SWAP70: variants seen among roughly 807,000 people sequenced by gnomAD.
The protein encoded by SWAP70 is switch-associated protein 70.
A neutral mutation model predicts 80.2 loss-of-function variants in SWAP70; 34 were observed. The observed-to-expected ratio is 0.42, with a 90% CI of 0.32 to 0.56. SWAP70 has a LOEUF of 0.56. Among genes scored for constraint, SWAP70 ranks in the 20% least tolerant of loss-of-function variants. The pLI is 0.09. For missense variants in SWAP70, 578 were observed against 690.7 expected (o/e 0.84, Z 1.83); for synonymous variants, 239 against 238.5 (o/e 1.00, Z -0.02).
At chr11:9,678,266 T>C (rs2134429767) in intron 1 of SWAP70, among the ~76,000 whole-genome samples, 1 of 152,294 alleles carries the variant, frequency 6.6e-6, no homozygotes, top group Non-Finnish European at 1.5e-5. Flanking sequence ...AGTGCTGGGA[T>C]TACAGGCATG....
intron 1 of SWAP70, among the ~76,000 whole-genome samples, chr11:9,677,121 G>A (rs1439930561): frequency 6.6e-6 from 1 of 151,538 alleles, no homozygotes; most frequent in Non-Finnish European, 1.5e-5. Flanking sequence ...TTATTAATGT[G>A]GCACCTGAAA....
intron 1 of SWAP70, among the ~76,000 whole-genome samples, chr11:9,672,227 A>ATATATATATATATATATG (rs1590008620): frequency 5.1e-5 from 7 of 136,398 alleles, no homozygotes; most frequent in Non-Finnish European, 6.2e-5. Context: ...ATATATATAT[A>ATATATATATATATATATG]TGATTGTAAA....
At chr11:9,730,348 A>T (rs1851281713) in intron 6 of SWAP70, among the ~76,000 whole-genome samples, 1 of 145,310 alleles carries the variant, frequency 6.9e-6, no homozygotes, top group African/African-American at 2.5e-5. Flanking sequence ...AAAAAAAAAG[A>T]ACATGTATTT....
chr11:9,712,711 T>C (rs1851013620), intron 2 of SWAP70, among the ~76,000 whole-genome samples: 1 of 150,998 alleles, frequency 6.6e-6, no homozygotes, highest in African/African-American at 2.4e-5. Context: ...TAAATAGTTT[T>C]CCCCAAAAGA....
chr11:9,743,143 T>C (rs902302343), intron 9 of SWAP70, among the ~76,000 whole-genome samples: 4 of 147,938 alleles, frequency 2.7e-5, no homozygotes, highest in African/African-American at 1.0e-4. Context: ...AGTGAGAATA[T>C]GCGGTGTTTG....
At chr11:9,748,829 A>T (rs1015461131) in intron 10 of SWAP70, among the ~76,000 whole-genome samples, 1 of 152,218 alleles carries the variant, frequency 6.6e-6, no homozygotes, top group Non-Finnish European at 1.5e-5. Context: ...GTGGAAGAAT[A>T]GGCTTTGGAA....
chr11:9,672,484 C>G (rs904997796), intron 1 of SWAP70, among the ~76,000 whole-genome samples: 1 of 150,744 alleles, frequency 6.6e-6, no homozygotes, highest in Non-Finnish European at 1.5e-5. Flanking sequence ...CCACCTCAGC[C>G]TCCTGAGTAG....
chr11:9,706,590 A>G (rs1337791433), intron 2 of SWAP70, among the ~76,000 whole-genome samples: 2 of 152,110 alleles, frequency 1.3e-5, no homozygotes, highest in African/African-American at 4.8e-5. Context: ...CCCGAGAGGA[A>G]GCCACCATCC....
Position 9,732,719 on chromosome 11 carries a change from G to A in SWAP70, c.1080+9G>A, listed in dbSNP as rs779447040. 1 of 1,538,254 alleles carries A rather than the reference G, an allele frequency of 6.5e-7. No homozygotes were observed. The highest frequency in any genetic ancestry group is 8.8e-7 in the Non-Finnish European group (1 of 1,142,732). Reference sequence around the variant, plus strand: ...TGGAGGCCGTGCGGAAGGTGGGAATGGGCGCTGGGCTGGGAGAGGGCCCTT... The same window carrying A: ...TGGAGGCCGTGCGGAAGGTGGGAATAGGCGCTGGGCTGGGAGAGGGCCCTT... On this transcript the variant is annotated intron_variant, in intron 7 of 11. Transcript: ENST00000318950.
intron 2 of SWAP70, among the ~76,000 whole-genome samples, chr11:9,703,139 T>C (rs1266722031): frequency 6.6e-6 from 1 of 152,200 alleles, no homozygotes; most frequent in Non-Finnish European, 1.5e-5. Flanking sequence ...TCTATATATA[T>C]TTGCCTATTC....
At chr11:9,727,114 G>T (rs1590040842) in intron 4 of SWAP70, among the ~76,000 whole-genome samples, 1 of 152,152 alleles carries the variant, frequency 6.6e-6, no homozygotes, top group Non-Finnish European at 1.5e-5. Context: ...ATTTTGGCTG[G>T]ACGTGGTGGC....
At position 9,668,033 on chromosome 11, in the gene SWAP70, T is replaced by C. The variant is rs549801638; in HGVS notation, c.99+3755T>C. ...CCTCCCAAATAGCTGGGATTACAGGTGCCCACTACCACACCTGGCTAATTT... is the reference window on the plus strand; with the variant it reads ...CCTCCCAAATAGCTGGGATTACAGGCGCCCACTACCACACCTGGCTAATTT... On this transcript the variant is annotated intron_variant, in intron 1 of 11. Transcript: ENST00000318950. Among the ~76,000 whole-genome samples the C allele has an allele frequency of 2.0e-5, 3 of 152,202 alleles. No homozygotes were observed. The South Asian group carries it at 6.2e-4, about 32-fold the overall frequency.
chr11:9,718,361 T>C (rs1004408884), intron 3 of SWAP70, among the ~76,000 whole-genome samples: 1 of 152,208 alleles, frequency 6.6e-6, no homozygotes, highest in Non-Finnish European at 1.5e-5. Flanking sequence ...AGTAGATTTA[T>C]GTGAGATTGC....
rs1442403470 is a variant in SWAP70, at chr11:9,751,513, G to A, written c.*1543G>A. 3 of 152,148 alleles carry A rather than the reference G, an allele frequency of 2.0e-5. No individual in the cohort carries two copies. Among genetic ancestry groups the A allele is most frequent in the Non-Finnish European group, 2.9e-5 (2 of 68,026 alleles). 9.4% of individuals were successfully genotyped at this position (152,148 alleles called of 1,614,324 possible). On this transcript the variant is annotated 3_prime_UTR_variant, in exon 12 of 12. Transcript: ENST00000318950. ...GGATAATTCAGTTGTTGCAAAAAAA[G>A]GGCAGAATTCAGTAGAATAAAGTCC... is the stretch of plus-strand genomic sequence containing the variant.
chr11:9,745,426 G>A (rs985720568), intron 9 of SWAP70, among the ~76,000 whole-genome samples: 1 of 152,204 alleles, frequency 6.6e-6, no homozygotes. Context: ...TGACAGGCTA[G>A]AATGATGATT....
At chr11:9,729,057 T>C (rs577214134) in intron 5 of SWAP70, among the ~76,000 whole-genome samples, 20 of 152,316 alleles carry the variant, frequency 1.3e-4, no homozygotes, top group Admixed American at 2.0e-4. Context: ...CTTCCAGGAT[T>C]CCTGCAAGGG....
At position 9,740,366 on chromosome 11, in the gene SWAP70, G is replaced by T; in HGVS notation, c.1355+19G>T. 6.2e-7 allele frequency: 1 copy of T among 1,613,960 alleles called. No homozygotes were observed. The highest frequency in any genetic ancestry group is 1.3e-5 in the African/African-American group (1 of 75,054). On this transcript the variant is annotated intron_variant, in intron 9 of 11. Coordinates refer to ENST00000318950, the MANE Select transcript of SWAP70 (RefSeq NM_015055.4). The stretch of plus-strand genomic sequence containing the variant: ...AGGCCAGGTGCCAGATTTGTTTGCA[G>T]ACTTTGCCTTTATGTACTTTGCCTG...
In SWAP70 at chr11:9,664,185, GAGCTTGAAGGA is replaced by G; in HGVS notation, c.7_17del (p.Ser3GlyfsTer32). On this transcript the variant is annotated frameshift_variant, in exon 1 of 12. Transcript: ENST00000318950. LOFTEE classifies it high-confidence loss of function. ...GGGGCAGCAGGGCCGCGGCCATGGG[GAGCTTGAAGGA>G]GGAGCTGCTCAAAGCCATCTGGCAC... The G allele has an allele frequency of 6.3e-7, 1 of 1,579,172 alleles. No homozygotes were observed. The highest frequency in any genetic ancestry group is 8.6e-7 in the Non-Finnish European group (1 of 1,164,562).
At chr11:9,690,059 C>T (rs928448186) in intron 1 of SWAP70, among the ~76,000 whole-genome samples, 1 of 152,188 alleles carries the variant, frequency 6.6e-6, no homozygotes, top group Non-Finnish European at 1.5e-5. Context: ...ACGTAAAACT[C>T]TGTGATTTGG....
Sources: gnomAD v4.1 joint callset for allele counts (sites outside exome capture counted in the v4.1 genomes callset) on GRCh38, gnomAD v4.1.1 for gene constraint, MANE v1.5 for transcripts, NCBI Gene and HGNC (gene_info 2026-07-23, HGNC 2026-07-21) for gene names.